Variants in CCDC91 observed in about 807,000 individuals in gnomAD.
CCDC91 encodes the protein coiled-coil domain-containing protein 91.
Under a neutral mutation model 63.2 loss-of-function variants are expected in CCDC91, and 48 were observed. That is an observed-to-expected ratio of 0.76 (90% CI 0.60 to 0.97). The LOEUF is 0.97. Ranked by LOEUF, CCDC91 falls within the 50% of genes least tolerant of loss-of-function variation. The probability of loss-of-function intolerance (pLI) is 0.00; values close to 1 mark genes in which losing one functional copy is unlikely to be tolerated. For missense variants in CCDC91, 500 were observed against 494.6 expected, an observed-to-expected ratio of 1.01 and a Z score of -0.10; for synonymous variants, 167 against 165.8, an observed-to-expected ratio of 1.01 and a Z score of -0.06.
At chr12:28,220,658 T>A (rs1441832468) in intron 1 of CCDC91, among the ~76,000 whole-genome samples, 1 of 151,832 alleles carries the variant, frequency 6.6e-6, no homozygotes, top group Non-Finnish European at 1.5e-5. Context: ...CCTTTGTTTA[T>A]CTGAAAAAAA....
At chr12:28,485,665 T>A (rs61922464) in intron 12 of CCDC91, among the ~76,000 whole-genome samples, 58,351 of 152,028 alleles carry the variant, frequency 0.38, 11,575 homozygotes, top group Middle Eastern at 0.48. Context: ...CTCAGAGTGT[T>A]TTTAAAAGCA....
At chr12:28,202,462 G>A (rs1942531083) in intron 1 of CCDC91, among the ~76,000 whole-genome samples, 1 of 150,936 alleles carries the variant, frequency 6.6e-6, no homozygotes, top group Non-Finnish European at 1.5e-5. Flanking sequence ...TGACTTTCCT[G>A]AACTCTTTAT....
chr12:28,338,198 C>G (rs570700566), intron 6 of CCDC91, among the ~76,000 whole-genome samples: 1 of 150,676 alleles, frequency 6.6e-6, no homozygotes, highest in South Asian at 2.1e-4. Context: ...GAAGGCCCCT[C>G]TGGCAAGATT....
intron 12 of CCDC91, among the ~76,000 whole-genome samples, chr12:28,491,879 GTGTGT>G: frequency 6.6e-6 from 1 of 150,518 alleles, no homozygotes; most frequent in Non-Finnish European, 1.5e-5. Flanking sequence ...GTGTGTGTGT[GTGTGT>G]GTGTGTGTGT....
intron 3 of CCDC91, among the ~76,000 whole-genome samples, chr12:28,296,310 C>CT (rs1949560170): frequency 6.6e-6 from 1 of 151,628 alleles, no homozygotes; most frequent in South Asian, 2.1e-4. Context: ...TGCAGAATTC[C>CT]GAAATTTGAT....
chr12:28,506,592 T>C (rs777154060), intron 12 of CCDC91, among the ~76,000 whole-genome samples: 16 of 152,006 alleles, frequency 1.1e-4, no homozygotes, highest in Non-Finnish European at 2.1e-4. Context: ...TTATTCATTG[T>C]GTATGGTTTA....
intron 1 of CCDC91, among the ~76,000 whole-genome samples, chr12:28,242,016 A>C (rs79966431): frequency 4.0e-5 from 6 of 148,838 alleles, no homozygotes; most frequent in South Asian, 2.1e-4. Context: ...AAAAAAAAAA[A>C]CGAAACAAAA....
chr12:28,355,153 C>G (rs1943439452), intron 6 of CCDC91, among the ~76,000 whole-genome samples: 1 of 151,952 alleles, frequency 6.6e-6, no homozygotes, highest in South Asian at 2.1e-4. Flanking sequence ...TTTTGAGCAT[C>G]TGCCTTTCAA....
At chr12:28,415,831 G>T (rs1947623403) in intron 8 of CCDC91, among the ~76,000 whole-genome samples, 1 of 152,052 alleles carries the variant, frequency 6.6e-6, no homozygotes, top group African/African-American at 2.4e-5. Flanking sequence ...TGGAAAAAAG[G>T]CAATGTTGAC....
intron 8 of CCDC91, among the ~76,000 whole-genome samples, chr12:28,430,819 G>C (rs986256030): frequency 6.6e-6 from 1 of 152,068 alleles, no homozygotes; most frequent in Admixed American, 6.6e-5. Context: ...AAATAAACTT[G>C]GCTGCTTCAG....
chr12:28,415,231 T>C (rs1947568185), intron 8 of CCDC91, among the ~76,000 whole-genome samples: 1 of 152,100 alleles, frequency 6.6e-6, no homozygotes, highest in Non-Finnish European at 1.5e-5. Context: ...AAGCGGATTT[T>C]TTTTTTTTTG....
At chr12:28,494,186 C>G (rs1377293147) in intron 12 of CCDC91, among the ~76,000 whole-genome samples, 1 of 151,656 alleles carries the variant, frequency 6.6e-6, no homozygotes, top group African/African-American at 2.4e-5. Flanking sequence ...TCTCAGTAAA[C>G]TGCTAACGGT....
At chr12:28,316,470 A>G (rs933670655) in intron 6 of CCDC91, among the ~76,000 whole-genome samples, 1 of 149,136 alleles carries the variant, frequency 6.7e-6, no homozygotes, top group Non-Finnish European at 1.5e-5. Context: ...TCATTTTCCA[A>G]GTATCTTTTA....
chr12:28,276,411 A>G (rs1380380655), intron 3 of CCDC91, among the ~76,000 whole-genome samples: 1 of 152,024 alleles, frequency 6.6e-6, no homozygotes, highest in Non-Finnish European at 1.5e-5. Flanking sequence ...TAAACAGGCA[A>G]TCATACTTCA....
intron 1 of CCDC91, among the ~76,000 whole-genome samples, chr12:28,244,023 G>A (rs1314366037): frequency 6.6e-6 from 1 of 152,098 alleles, no homozygotes; most frequent in Non-Finnish European, 1.5e-5. Flanking sequence ...ATCCCAAACA[G>A]GACAGTAGCA....
chr12:28,441,701 C>A (rs1565978889), intron 8 of CCDC91, among the ~76,000 whole-genome samples: 1 of 132,616 alleles, frequency 7.5e-6, no homozygotes, highest in African/African-American at 2.9e-5. Flanking sequence ...ATATATATCT[C>A]TCTCATATAT....
intron 8 of CCDC91, among the ~76,000 whole-genome samples, chr12:28,395,762 C>G (rs970502244): frequency 6.6e-6 from 1 of 152,154 alleles, no homozygotes; most frequent in Non-Finnish European, 1.5e-5. Context: ...CCTCATCCCT[C>G]CAGCATCCAA....
chr12:28,371,303 T>C (rs1944607887), intron 7 of CCDC91, among the ~76,000 whole-genome samples: 1 of 152,112 alleles, frequency 6.6e-6, no homozygotes, highest in Admixed American at 6.6e-5. Context: ...CTCATAGCCA[T>C]GCAAAACCTT....
At chr12:28,421,004 A>G (rs1947972658) in intron 8 of CCDC91, among the ~76,000 whole-genome samples, 1 of 151,594 alleles carries the variant, frequency 6.6e-6, no homozygotes. Context: ...CTTTTTTTGC[A>G]ATTTTTTCTC....
Sources: gnomAD v4.1 joint callset for allele counts (sites outside exome capture counted in the v4.1 genomes callset) on GRCh38, gnomAD v4.1.1 for gene constraint, MANE v1.5 for transcripts, NCBI Gene and HGNC (gene_info 2026-07-23, HGNC 2026-07-21) for gene names.